POFUT1: variants seen among roughly 807,000 people sequenced by gnomAD.
POFUT1 encodes the protein protein O-fucosyltransferase 1.
POFUT1 carries 16 observed loss-of-function variants against 42.4 expected under a neutral mutation model. The ratio of observed to expected loss-of-function variants is 0.38; its 90% CI spans 0.26 to 0.57. The LOEUF (loss-of-function observed/expected upper bound fraction) is 0.57. POFUT1 is among the 20% of genes least tolerant of loss of function. POFUT1 has a pLI of 0.71. For synonymous variants in POFUT1, 206 were observed against 205.4 expected (o/e 1.00, Z -0.03); for missense variants, 470 against 504.6 (o/e 0.93, Z 0.66).
Position 32,237,702 on chromosome 20 carries a change from G to A in POFUT1, c.*3041G>A. Reference sequence around the variant, plus strand: ...GGCATGAGCTGATTCACATTCTGAAGGACCTCTCTAGCTGGCCAGTGCTGA... The same window carrying A: ...GGCATGAGCTGATTCACATTCTGAAAGACCTCTCTAGCTGGCCAGTGCTGA... On this transcript the variant is annotated 3_prime_UTR_variant, in exon 7 of 7. Coordinates refer to ENST00000375749, the MANE Select transcript of POFUT1 (RefSeq NM_015352.2). 2.0e-6 allele frequency: 1 copy of A among 500,062 alleles called. No homozygotes were observed. The allele number at this position is 500,062 out of a possible 1,614,324, so 31.0% of individuals were successfully genotyped here.
chr20:32,212,899 T>C (rs937510921), intron 2 of POFUT1, among the ~76,000 whole-genome samples: 12 of 151,810 alleles, frequency 7.9e-5, no homozygotes, highest in East Asian at 1.9e-4. Flanking sequence ...TTTTTTTTTT[T>C]CCAAGACGGA....
At chr20:32,234,318 G>A (rs1185852955) in intron 6 of POFUT1, among the ~76,000 whole-genome samples, 155 bp from the exon 7 acceptor site, 1 of 152,206 alleles carries the variant, frequency 6.6e-6, no homozygotes, top group Non-Finnish European at 1.5e-5. Context: ...CAGCAGCTGG[G>A]CAATGCTTCC....
intron 4 of POFUT1, chr20:32,223,061 A>G (rs2047398528): frequency 3.0e-6 from 3 of 985,432 alleles, no homozygotes; most frequent in Non-Finnish European, 2.4e-6. Context: ...GGTCCCACAG[A>G]TACATACTGG....
At chr20:32,222,407 C>T (rs942687909) in intron 4 of POFUT1, among the ~76,000 whole-genome samples, 5 of 152,338 alleles carry the variant, frequency 3.3e-5, no homozygotes, top group African/African-American at 1.2e-4. Flanking sequence ...CTCCAGCCAT[C>T]ACATCCCAAC....
Position 32,215,350 on chromosome 20 carries a change from G to A in POFUT1, c.328G>A (p.Glu110Lys), listed in dbSNP as rs930012454. Reference sequence around the variant, plus strand: ...GGTCATCAGCTTGGAGGATTTCATGGAGAAGCTGGCACCCACCCACTGGCC... The same window carrying A: ...GGTCATCAGCTTGGAGGATTTCATGAAGAAGCTGGCACCCACCCACTGGCC... ...HRVISLEDFM[E>K]KLAPTHWPPE... Residue 110 changes from glutamate (E) to lysine (K), a missense_variant, in exon 3 of 7, where the codon GAG becomes AAG. By Grantham distance (56) the Glu-to-Lys change is moderately conservative. Coordinates refer to ENST00000375749, the MANE Select transcript of POFUT1 (RefSeq NM_015352.2). The A allele has an allele frequency of 1.9e-6, 3 of 1,613,970 alleles. No individual in the cohort carries two copies. Among genetic ancestry groups the A allele is most frequent in the African/African-American group, 1.3e-5 (1 of 74,898 alleles).
At position 32,215,290 on chromosome 20, in the gene POFUT1, T is replaced by G. The variant is rs908068916; in HGVS notation, c.268T>G (p.Tyr90Asp). 1 of 1,612,338 alleles carries G rather than the reference T, an allele frequency of 6.2e-7. No homozygotes were observed. Among genetic ancestry groups the G allele is most frequent in the Admixed American group, 1.7e-5 (1 of 59,990 alleles). ...FTNLHVSYQK[Y>D]FKLEPLQAYH... is the part of the protein sequence containing the mutation. ...GTAGCTCCATGTGTCCTACCAGAAG[T>G]ACTTCAAGCTGGAGCCCCTCCAGGC... The change falls in exon 3 of 7, where the codon TAC becomes GAC. Residue 90 changes from tyrosine to aspartate, a missense_variant. Physicochemically the swap from Tyr to Asp is radical, Grantham distance 160 (BLOSUM62 -3). Coordinates refer to ENST00000375749, the MANE Select transcript of POFUT1 (RefSeq NM_015352.2).
chr20:32,209,952 C>T (rs2047318079), intron 1 of POFUT1, 119 bp from the exon 2 acceptor site: 5 of 1,075,046 alleles, frequency 4.7e-6, no homozygotes, highest in Non-Finnish European at 7.0e-6. Flanking sequence ...TGCCAGCTCC[C>T]CTAGTTCTCC....
intron 4 of POFUT1, among the ~76,000 whole-genome samples, chr20:32,218,797 A>C (rs2047375895): frequency 6.6e-6 from 1 of 152,270 alleles, no homozygotes; most frequent in African/African-American, 2.4e-5. Flanking sequence ...AAAAAGCTAG[A>C]AAAAGCACAC....
rs777311168 is a variant in POFUT1 at position 32,207,967 on chromosome 20, C to T, written c.26C>T (p.Pro9Leu). The change falls in exon 1 of 7, where the codon CCG (proline) becomes CTG (leucine). Residue 9 changes from proline to leucine, a missense_variant. By Grantham distance (98) the Pro-to-Leu change is moderately conservative (BLOSUM62 -3). Transcript: ENST00000375749. The stretch of plus-strand genomic sequence containing the variant: ...ATGGGCGCCGCCGCGTGGGCACGGC[C>T]GCTGAGCGTGTCTTTCCTGCTGCTG... Reference protein sequence around the residue: MGAAAWARPLSVSFLLLLL... With the variant: MGAAAWARLLSVSFLLLLL... 1.1e-5 allele frequency: 17 copies of T among 1,592,238 alleles called. No individual in the cohort carries two copies. In the East Asian group the frequency reaches 2.9e-4, roughly 28 times the overall value.
In POFUT1 at chr20:32,207,891, T is replaced by G. The variant is rs752049500; in HGVS notation, c.-51T>G. 5.4e-6 allele frequency: 8 copies of G among 1,477,980 alleles called. No homozygotes were observed. In the South Asian group the frequency reaches 9.0e-5, roughly 17 times the overall value. 91.6% of individuals were successfully genotyped at this position (1,477,980 alleles called of 1,614,324 possible). A position where few individuals can be genotyped will look rare whatever the true frequency, so the allele number is the denominator to read the frequency against. ...GGAGCGGGGCGGGCGCTCGCGTCCC[T>G]CCTTCCCTCCCCGACTGTGCGCCGC... On this transcript the variant is annotated 5_prime_UTR_variant, in exon 1 of 7. Coordinates refer to ENST00000375749, the MANE Select transcript of POFUT1 (RefSeq NM_015352.2).
intron 4 of POFUT1, 70 bp downstream of exon 4, chr20:32,216,791 T>C (rs2047363456): frequency 7.3e-7 from 1 of 1,369,660 alleles, no homozygotes; most frequent in South Asian, 1.2e-5. Flanking sequence ...CAGCACCTTC[T>C]GGCACTCTCC....
At position 32,208,081 on chromosome 20, in the gene POFUT1, C is replaced by A; in HGVS notation, c.124+16C>A. On this transcript the variant is annotated intron_variant, in intron 1 of 6. Coordinates refer to ENST00000375749, the MANE Select transcript of POFUT1 (RefSeq NM_015352.2). ...CCCTGCATGGGTAAGGCCTCCCAAG[C>A]CCTCTGCTCAGATGGAGAAACTGAG... 2.6e-6 allele frequency: 4 copies of A among 1,541,246 alleles called. No individual in the cohort carries two copies. Among genetic ancestry groups the A allele is most frequent in the Non-Finnish European group, 2.6e-6 (3 of 1,147,692 alleles).
rs1286646880 is a variant in POFUT1 at position 32,236,526 on chromosome 20, T to C, written c.*1865T>C. 3 of 152,184 alleles carry C rather than the reference T, an allele frequency of 2.0e-5. No homozygotes were observed. The highest frequency in any genetic ancestry group is 2.9e-5 in the Non-Finnish European group (2 of 68,026). 9.4% of individuals were successfully genotyped at this position (152,184 alleles called of 1,614,324 possible). On this transcript the variant is annotated 3_prime_UTR_variant, in exon 7 of 7. Coordinates refer to ENST00000375749, the MANE Select transcript of POFUT1 (RefSeq NM_015352.2). The stretch of plus-strand genomic sequence containing the variant: ...GATTCATATCAGCAGTAATAATCAC[T>C]TGTGTTCTGAAAGAAAGGGCACCAG...
intron 2 of POFUT1, 147 bp from the exon 3 acceptor site, chr20:32,215,122 C>T (rs2047351885): frequency 7.4e-6 from 4 of 541,116 alleles, no homozygotes; most frequent in Non-Finnish European, 6.6e-6. Context: ...CTCCTGACCT[C>T]AAGTGATCCG....
intron 3 of POFUT1, among the ~76,000 whole-genome samples, chr20:32,216,198 C>G (rs527255351): frequency 6.6e-6 from 1 of 152,292 alleles, no homozygotes; most frequent in African/African-American, 2.4e-5. Context: ...CCAACAGTGC[C>G]CTTACTGGCT....
rs1220381958 is a variant in POFUT1, at chr20:32,236,167, C to T, written c.*1506C>T. The stretch of plus-strand genomic sequence containing the variant: ...GATGGTTTGCCTGTCCAGACTTGCT[C>T]TCAAGCCTCATCCAGAGAAGGAGCT... On this transcript the variant is annotated 3_prime_UTR_variant, in exon 7 of 7. Transcript: ENST00000375749. 1 of 152,244 alleles carries T rather than the reference C, an allele frequency of 6.6e-6. No individual in the cohort carries two copies. Among genetic ancestry groups the T allele is most frequent in the Non-Finnish European group, 1.5e-5 (1 of 68,068 alleles). 9.4% of individuals were successfully genotyped at this position (152,244 alleles called of 1,614,324 possible). A position where few individuals can be genotyped will look rare whatever the true frequency, so the allele number is the denominator to read the frequency against.
At position 32,237,488 on chromosome 20, in the gene POFUT1, G is replaced by C. The variant is rs977141560; in HGVS notation, c.*2827G>C. On this transcript the variant is annotated 3_prime_UTR_variant, in exon 7 of 7. Coordinates refer to ENST00000375749, the MANE Select transcript of POFUT1 (RefSeq NM_015352.2). The stretch of plus-strand genomic sequence containing the variant: ...GGCAGAGAAAACAGCACGTGCAAAG[G>C]CCCCGAGACTGGAGTGTGTTCCTGA... 2 of 207,972 alleles carry C rather than the reference G, an allele frequency of 9.6e-6. No homozygotes were observed. The highest frequency in any genetic ancestry group is 2.0e-5 in the Non-Finnish European group (2 of 98,348). 12.9% of individuals were successfully genotyped at this position (207,972 alleles called of 1,614,324 possible).
At chr20:32,216,918 C>T in intron 4 of POFUT1, 197 bp downstream of exon 4, 1 of 1,581,228 alleles carries the variant, frequency 6.3e-7, no homozygotes, top group Non-Finnish European at 8.6e-7. Context: ...CATTGACCCG[C>T]CATGAGATTG....
intron 2 of POFUT1, among the ~76,000 whole-genome samples, chr20:32,214,983 G>A (rs945683965): frequency 2.6e-5 from 4 of 152,082 alleles, no homozygotes; most frequent in Non-Finnish European, 2.9e-5. Flanking sequence ...CACCTCCTGG[G>A]TTCAAGCAGT....
Sources: allele counts gnomAD v4.1 joint callset (sites outside exome capture counted in the v4.1 genomes callset), GRCh38; gene constraint gnomAD v4.1.1; transcripts MANE v1.5; gene names NCBI Gene and HGNC (gene_info 2026-07-23, HGNC 2026-07-21).